The following GPR137C variants were observed in gnomAD, a reference collection of about 807,000 sequenced individuals.
GPR137C encodes the protein G protein-coupled receptor 137C, also known as integral membrane protein GPR137C.
GPR137C carries 27 observed loss-of-function variants against 43.4 expected under a neutral mutation model. The ratio of observed to expected loss-of-function variants is 0.62; its 90% CI spans 0.46 to 0.86. The LOEUF is 0.86. Ranked by LOEUF, GPR137C falls within the 40% of genes least tolerant of loss-of-function variation. GPR137C has a pLI of 0.00. For missense variants in GPR137C, 522 were observed against 534.6 expected (o/e 0.98, Z 0.23); for synonymous variants, 285 against 226.9 (o/e 1.26, Z -2.30).
chr14:52,577,516 G>GCGCGCACACA (rs369713179), intron 1 of GPR137C, among the ~76,000 whole-genome samples: 1 of 145,408 alleles, frequency 6.9e-6, no homozygotes, highest in Non-Finnish European at 1.5e-5. Context: ...GCGCGCGCGC[G>GCGCGCACACA]CACACACACA....
rs1372329637 is a variant in GPR137C at position 52,635,233 on chromosome 14, A to G, written c.*118A>G. 1.4e-5 allele frequency: 11 copies of G among 774,522 alleles called. No individual in the cohort carries two copies. The highest frequency in any genetic ancestry group is 2.1e-5 in the Non-Finnish European group (11 of 515,354). 48.0% of individuals were successfully genotyped at this position (774,522 alleles called of 1,614,324 possible). ...GTTGCAACTGAAAACAAAATCTGGA[A>G]GTGTGGCTGTGTTTGGTAAATAACA... is the stretch of plus-strand genomic sequence containing the variant. On this transcript the variant is annotated 3_prime_UTR_variant, in exon 7 of 7. Coordinates refer to ENST00000321662, the MANE Select transcript of GPR137C (RefSeq NM_001099652.2).
intron 3 of GPR137C, chr14:52,612,169 T>A: frequency 3.0e-6 from 3 of 983,970 alleles, no homozygotes; most frequent in Non-Finnish European, 3.6e-6. Context: ...CTTGGCAATA[T>A]GAAAGAATAT....
intron 1 of GPR137C, among the ~76,000 whole-genome samples, chr14:52,572,992 A>C (rs572255031): frequency 1.3e-5 from 2 of 152,328 alleles, no homozygotes; most frequent in South Asian, 4.1e-4. Flanking sequence ...AAGAGAATAA[A>C]ATACCTAGGA....
rs991221678 is a variant in GPR137C, at chr14:52,612,423, G to T, written c.717+12082G>T. On this transcript the variant is annotated intron_variant, in intron 3 of 6. Transcript: ENST00000321662. ...AAAAAAGAATGTCAGCCTCCATAATGTTAATTTTCTTCAAAATCAGTTTTG... is the reference window on the plus strand; with the variant it reads ...AAAAAAGAATGTCAGCCTCCATAATTTTAATTTTCTTCAAAATCAGTTTTG... The T allele has an allele frequency of 7.1e-6, 7 of 981,198 alleles. No individual in the cohort carries two copies. In the African/African-American group the frequency reaches 1.1e-4, roughly 15 times the overall value. The allele number at this position is 981,198 out of a possible 1,614,324, so 60.8% of individuals were successfully genotyped here.
At chr14:52,594,683 C>A (rs181550064) in intron 1 of GPR137C, among the ~76,000 whole-genome samples, 1 of 152,096 alleles carries the variant, frequency 6.6e-6, no homozygotes. Flanking sequence ...GATCTTCCTC[C>A]ATCCCTTTTT....
At chr14:52,595,653 G>A (rs185853738) in intron 1 of GPR137C, among the ~76,000 whole-genome samples, 57 of 152,260 alleles carry the variant, frequency 3.7e-4, no homozygotes, top group Admixed American at 1.6e-3. Flanking sequence ...CTCATGCTAT[G>A]GTTTTCAGCT....
At chr14:52,589,522 GT>G (rs1405128736) in intron 1 of GPR137C, among the ~76,000 whole-genome samples, 1 of 152,168 alleles carries the variant, frequency 6.6e-6, no homozygotes, top group African/African-American at 2.4e-5. Flanking sequence ...AAAGGCTGCT[GT>G]AATAATCCAC....
chr14:52,615,317 CTG>C (rs886650565), intron 3 of GPR137C, among the ~76,000 whole-genome samples: 2 of 152,062 alleles, frequency 1.3e-5, no homozygotes, highest in African/African-American at 2.4e-5. Context: ...GTTTATGTGT[CTG>C]TTTTTATGTC....
At position 52,633,875 on chromosome 14, in the gene GPR137C, CT is replaced by C; in HGVS notation, c.1046del (p.Phe349SerfsTer36). Reference protein sequence around the residue: ...NSHSYSSRAYFFDNPRRYDSD... With the variant: ...NSHSYSSRAYXFDNPRRYDSD... ...GTCACAGTTATAGTTCCAGAGCTTA[CT>C]TTTTCGACAATCCAAGACGATATGA... On this transcript the variant is annotated frameshift_variant, in exon 6 of 7. Transcript: ENST00000321662. LOFTEE classifies it high-confidence loss of function. 1.2e-6 allele frequency: 2 copies of C among 1,613,014 alleles called. No individual in the cohort carries two copies. The highest frequency in any genetic ancestry group is 1.7e-6 in the Non-Finnish European group (2 of 1,179,242).
Position 52,553,495 on chromosome 14 carries a change from C to A in GPR137C, c.348C>A (p.Pro116=). 6.2e-7 allele frequency: 1 copy of A among 1,609,064 alleles called. No homozygotes were observed. The highest frequency in any genetic ancestry group is 8.5e-7 in the Non-Finnish European group (1 of 1,179,788). The change falls in exon 1 of 7, where the codon CCC becomes CCA. Residue 116 remains proline (P), a synonymous_variant. Coordinates refer to ENST00000321662, the MANE Select transcript of GPR137C (RefSeq NM_001099652.2). ...GCTCCCTGCCCTTGCTCCGGCCGCC[C>A]GCTCACCTGCACTTCTTCCCCCACT... ...LSGSLPLLRP[P]AHLHFFPHWL...
intron 1 of GPR137C, among the ~76,000 whole-genome samples, chr14:52,588,663 A>G (rs1055540653): frequency 6.6e-6 from 1 of 152,232 alleles, no homozygotes; most frequent in African/African-American, 2.4e-5. Context: ...GTGAAGATTA[A>G]AAGAGACTAA....
chr14:52,621,559 G>A (rs141255824), intron 3 of GPR137C, among the ~76,000 whole-genome samples: 217 of 151,824 alleles, frequency 1.4e-3, no homozygotes, highest in Admixed American at 3.4e-3. Flanking sequence ...CAAAAATCAC[G>A]TAATATTGTG....
Position 52,575,247 on chromosome 14 carries a change from T to C in GPR137C, c.444+21656T>C, listed in dbSNP as rs573371050. The stretch of plus-strand genomic sequence containing the variant: ...TTTAGTTATTTATACTTTTTAAAAA[T>C]ACTTCTACATGGTAGCATGCACCTG... On this transcript the variant is annotated intron_variant, in intron 1 of 6. Coordinates refer to ENST00000321662, the MANE Select transcript of GPR137C (RefSeq NM_001099652.2). Among the ~76,000 whole-genome samples, 163 of 152,268 alleles carry C rather than the reference T, an allele frequency of 1.1e-3. 6 individuals carry two copies. The South Asian group carries it at 0.029, about 27-fold the overall frequency.
chr14:52,600,736 T>C (rs2038914934), intron 3 of GPR137C, among the ~76,000 whole-genome samples: 1 of 152,238 alleles, frequency 6.6e-6, no homozygotes, highest in Admixed American at 6.5e-5. Context: ...ATACTAAGCA[T>C]GTTGTATTTT....
At chr14:52,579,546 A>G (rs2038614203) in intron 1 of GPR137C, among the ~76,000 whole-genome samples, 1 of 152,198 alleles carries the variant, frequency 6.6e-6, no homozygotes, top group African/African-American at 2.4e-5. Context: ...TTGGGTAATC[A>G]TACATTGTGT....
chr14:52,568,165 AGGGTGG>A (rs919259930), intron 1 of GPR137C, among the ~76,000 whole-genome samples: 4 of 152,232 alleles, frequency 2.6e-5, no homozygotes, highest in African/African-American at 9.6e-5. Flanking sequence ...GAGCAGAAGC[AGGGTGG>A]GGCGTCACCT....
chr14:52,633,994 G>C (rs1318475053), intron 6 of GPR137C, 48 bp downstream of exon 6: 1 of 1,129,000 alleles, frequency 8.9e-7, no homozygotes. Flanking sequence ...GAAATTGATT[G>C]AAAAAAACAA....
At chr14:52,620,395 C>T (rs1054027512) in intron 3 of GPR137C, among the ~76,000 whole-genome samples, 1 of 151,992 alleles carries the variant, frequency 6.6e-6, no homozygotes, top group East Asian at 1.9e-4. Flanking sequence ...AGCTGACCAA[C>T]GTATGGGGGA....
chr14:52,586,075 G>A (rs1241084521), intron 1 of GPR137C, among the ~76,000 whole-genome samples: 1 of 152,158 alleles, frequency 6.6e-6, no homozygotes, highest in Non-Finnish European at 1.5e-5. Context: ...TAGAGTGTAA[G>A]CAAATCTTCA....
Sources: allele counts gnomAD v4.1 joint callset (sites outside exome capture counted in the v4.1 genomes callset), GRCh38; gene constraint gnomAD v4.1.1; transcripts MANE v1.5; gene names NCBI Gene and HGNC (gene_info 2026-07-23, HGNC 2026-07-21).